The following PRKN variants were observed in gnomAD, a reference collection of about 807,000 sequenced individuals.
PRKN encodes E3 ubiquitin-protein ligase parkin.
In PRKN, 56 loss-of-function variants were observed where a neutral mutation model predicts 59.5. The observed-to-expected ratio is 0.94, with a 90% CI of 0.76 to 1.18. The LOEUF is 1.18. Ranked by LOEUF, PRKN falls within the 50% of genes most tolerant of loss-of-function variation. The pLI is 0.00. For synonymous variants in PRKN, 250 were observed against 222.1 expected, an observed-to-expected ratio of 1.13 and a Z score of -1.12; for missense variants, 657 against 596.4, an observed-to-expected ratio of 1.10 and a Z score of -1.06.
At chr6:161,350,875 T>A (rs1300415212) in intron 11 of PRKN, among the ~76,000 whole-genome samples, 71 of 94,562 alleles carry the variant, frequency 7.5e-4, no homozygotes, top group Non-Finnish European at 7.9e-4. Context: ...TATATATTTT[T>A]ATATATTTAT....
intron 1 of PRKN, among the ~76,000 whole-genome samples, chr6:162,455,571 T>A (rs1490482753): frequency 1.3e-5 from 2 of 152,144 alleles, no homozygotes; most frequent in Non-Finnish European, 2.9e-5. Flanking sequence ...CACCATCATA[T>A]ATGTGGTCCC....
chr6:162,637,927 G>T (rs1777794591), intron 1 of PRKN, among the ~76,000 whole-genome samples: 1 of 152,094 alleles, frequency 6.6e-6, no homozygotes, highest in East Asian at 1.9e-4. Context: ...TGGCCCTAAA[G>T]CATTGAACGC....
intron 4 of PRKN, among the ~76,000 whole-genome samples, chr6:162,092,901 G>T (rs907101440): frequency 4.6e-5 from 7 of 152,162 alleles, no homozygotes; most frequent in African/African-American, 1.4e-4. Flanking sequence ...ATCATCCAGG[G>T]CTGGATTTCC....
chr6:161,350,003 CGT>C lies in PRKN; in HGVS notation c.*94_*95del, dbSNP rs949516613. ...TGAAGAGTGTGTGTGCGCGCGCGCG[CGT>C]GTGTGTGTGTGTTTGAAAAGAGAAT... is the stretch of plus-strand genomic sequence containing the variant. On this transcript the variant is annotated 3_prime_UTR_variant, in exon 12 of 12. Coordinates refer to ENST00000366898, the MANE Select transcript of PRKN (RefSeq NM_004562.3). The C allele has an allele frequency of 2.3e-3, 1,756 of 759,018 alleles. No homozygotes were observed. The highest frequency in any genetic ancestry group is 2.9e-3 in the Non-Finnish European group (1,304 of 448,332). 47.0% of individuals were successfully genotyped at this position (759,018 alleles called of 1,614,324 possible). A position where few individuals can be genotyped will look rare whatever the true frequency, so the allele number is the denominator to read the frequency against.
intron 5 of PRKN, among the ~76,000 whole-genome samples, chr6:162,034,872 A>G (rs999588016): frequency 2.6e-5 from 4 of 152,208 alleles, no homozygotes; most frequent in Non-Finnish European, 4.4e-5. Context: ...TCCATGAGGA[A>G]TAACAGCCGA....
At chr6:161,918,239 C>T (rs147821994) in intron 6 of PRKN, among the ~76,000 whole-genome samples, 2 of 152,264 alleles carry the variant, frequency 1.3e-5, no homozygotes, top group Admixed American at 6.5e-5. Context: ...AACAGTACCA[C>T]GCAGAACATC....
intron 4 of PRKN, among the ~76,000 whole-genome samples, chr6:162,192,806 A>C (rs1784339569): frequency 6.6e-6 from 1 of 152,114 alleles, no homozygotes; most frequent in African/African-American, 2.4e-5. Context: ...GAGAATTTCA[A>C]ACTAGCAGCA....
intron 6 of PRKN, among the ~76,000 whole-genome samples, chr6:161,847,264 C>T (rs527594214): frequency 1.4e-4 from 21 of 151,848 alleles, no homozygotes; most frequent in East Asian, 3.9e-4. Flanking sequence ...GCGGAGATGG[C>T]GCCACTGTAG....
intron 1 of PRKN, among the ~76,000 whole-genome samples, chr6:162,499,258 C>A (rs1017485134): frequency 6.6e-6 from 1 of 152,168 alleles, no homozygotes; most frequent in Non-Finnish European, 1.5e-5. Flanking sequence ...TCTCCTAACT[C>A]CTATATGACC....
chr6:162,442,397 G>C (rs9456780), intron 2 of PRKN, among the ~76,000 whole-genome samples: 3,434 of 152,282 alleles, frequency 0.023, 122 homozygotes, highest in African/African-American at 0.08. Context: ...CACAGTCACA[G>C]GGACCATTCC....
intron 6 of PRKN, among the ~76,000 whole-genome samples, chr6:161,871,028 G>A (rs1052645830): frequency 3.3e-5 from 5 of 151,940 alleles, no homozygotes; most frequent in Non-Finnish European, 7.4e-5. Flanking sequence ...GAGAAGGGGA[G>A]AGGAGAGAGG....
At chr6:161,569,588 A>C (rs1050543045) in intron 7 of PRKN, among the ~76,000 whole-genome samples, 172 bp from the exon 8 acceptor site, 2 of 152,168 alleles carry the variant, frequency 1.3e-5, no homozygotes, top group Admixed American at 6.5e-5. Context: ...CCCTCAAAAG[A>C]GCTATGGCCG....
chr6:161,490,848 A>G (rs1277326709), intron 9 of PRKN, among the ~76,000 whole-genome samples: 1 of 152,034 alleles, frequency 6.6e-6, no homozygotes, highest in Non-Finnish European at 1.5e-5. Context: ...CGTGATCATG[A>G]GTGAGTTATC....
chr6:161,908,623 A>G (rs1378564129), intron 6 of PRKN, among the ~76,000 whole-genome samples: 1 of 152,014 alleles, frequency 6.6e-6, no homozygotes, highest in Non-Finnish European at 1.5e-5. Flanking sequence ...TAAAATCCAG[A>G]TTGGTATGTA....
chr6:161,979,343 G>A (rs1215443999), intron 5 of PRKN, among the ~76,000 whole-genome samples: 1 of 152,108 alleles, frequency 6.6e-6, no homozygotes, highest in African/African-American at 2.4e-5. Flanking sequence ...CACGATCTTG[G>A]CTTACTGCAA....
rs532870754 is a variant in PRKN, at chr6:162,180,388, A to G, written c.534+20743T>C. Among the ~76,000 whole-genome samples, 4 of 152,318 alleles carry G rather than the reference A, an allele frequency of 2.6e-5. No individual in the cohort carries two copies. In the East Asian group the frequency reaches 5.8e-4, roughly 22 times the overall value. On this transcript the variant is annotated intron_variant, in intron 4 of 11. Transcript: ENST00000366898. ...TATTTCACATTGCATGCCTGAATCA[A>G]AACACATCATGTACCACAGAAATAT... is the stretch of plus-strand genomic sequence containing the variant.
At chr6:161,889,430 G>A (rs1375368027) in intron 6 of PRKN, among the ~76,000 whole-genome samples, 1 of 152,198 alleles carries the variant, frequency 6.6e-6, no homozygotes, top group Non-Finnish European at 1.5e-5. Context: ...GCAACAGAGA[G>A]GGATGAACAA....
intron 9 of PRKN, among the ~76,000 whole-genome samples, chr6:161,543,428 A>G (rs77721207): frequency 0.015 from 2,308 of 152,320 alleles, 55 homozygotes; most frequent in African/African-American, 0.053. Flanking sequence ...AAGAAGATGA[A>G]CATGGTTAAG....
At chr6:161,749,084 A>G (rs190520099) in intron 7 of PRKN, among the ~76,000 whole-genome samples, 1 of 152,146 alleles carries the variant, frequency 6.6e-6, no homozygotes, top group Non-Finnish European at 1.5e-5. Context: ...ATGACTCTCT[A>G]TAGTAAGGAT....
Sources: allele counts gnomAD v4.1 joint callset (sites outside exome capture counted in the v4.1 genomes callset), GRCh38; gene constraint gnomAD v4.1.1; transcripts MANE v1.5; gene names NCBI Gene and HGNC (gene_info 2026-07-23, HGNC 2026-07-21).